The following HS6ST3 variants were observed in gnomAD, a reference collection of about 807,000 sequenced individuals.
HS6ST3 encodes the protein heparan sulfate 6-O-sulfotransferase 3.
A neutral mutation model predicts 36.7 loss-of-function variants in HS6ST3; 12 were observed. The observed-to-expected ratio is 0.33, with a 90% CI of 0.21 to 0.53. The LOEUF (loss-of-function observed/expected upper bound fraction) is 0.53. Ranked by LOEUF, HS6ST3 falls within the 20% of genes least tolerant of loss-of-function variation. The pLI, the probability that HS6ST3 is intolerant of heterozygous loss-of-function variation, is 0.95. For missense variants in HS6ST3, 584 were observed against 640.9 expected (o/e 0.91, Z 0.96); for synonymous variants, 240 against 257.5 (o/e 0.93, Z 0.65).
At chr13:96,545,052 A>G (rs1302243452) in intron 1 of HS6ST3, among the ~76,000 whole-genome samples, 3 of 152,190 alleles carry the variant, frequency 2.0e-5, no homozygotes, top group African/African-American at 7.2e-5. Flanking sequence ...TGCCTGGTGA[A>G]TATATAATAG....
At chr13:96,560,563 T>C (rs1044929172) in intron 1 of HS6ST3, among the ~76,000 whole-genome samples, 1 of 152,114 alleles carries the variant, frequency 6.6e-6, no homozygotes, top group African/African-American at 2.4e-5. Flanking sequence ...TTCATCCAAA[T>C]AGGAAAAGAA....
In HS6ST3 at chr13:96,838,210, A is replaced by G. The variant is rs1207127912; in HGVS notation, c.*5012A>G. On this transcript the variant is annotated 3_prime_UTR_variant, in exon 2 of 2. Coordinates refer to ENST00000376705, the MANE Select transcript of HS6ST3 (RefSeq NM_153456.4). ...AATATATGACATGTAATACTGAAAA[A>G]ATAGAAAAATGACTAAGATACAGTC... 1 of 152,102 alleles carries G rather than the reference A, an allele frequency of 6.6e-6. No individual in the cohort carries two copies. Among genetic ancestry groups the G allele is most frequent in the East Asian group, 1.9e-4 (1 of 5,198 alleles). 9.4% of individuals were successfully genotyped at this position (152,102 alleles called of 1,614,324 possible). A position where few individuals can be genotyped will look rare whatever the true frequency, so the allele number is the denominator to read the frequency against.
At chr13:96,777,720 A>G (rs1877423201) in intron 1 of HS6ST3, among the ~76,000 whole-genome samples, 1 of 152,228 alleles carries the variant, frequency 6.6e-6, no homozygotes, top group African/African-American at 2.4e-5. Context: ...GATAGGAAGA[A>G]TCAATATCAT....
At chr13:96,821,807 A>C (rs1272470862) in intron 1 of HS6ST3, among the ~76,000 whole-genome samples, 3 of 152,200 alleles carry the variant, frequency 2.0e-5, no homozygotes, top group Admixed American at 6.5e-5. Flanking sequence ...AAAATCCTAA[A>C]ACAGAAGTAT....
chr13:96,321,978 A>C (rs1208705798), intron 1 of HS6ST3, among the ~76,000 whole-genome samples: 1 of 151,178 alleles, frequency 6.6e-6, no homozygotes, highest in Non-Finnish European at 1.5e-5. Context: ...TCAGCTGGTG[A>C]CTTTATTCTG....
Position 96,090,994 on chromosome 13 carries a change from G to A in HS6ST3, c.132G>A (p.Gly44=). The change falls in exon 1 of 2, where the codon GGG becomes GGA. Residue 44 remains glycine, a synonymous_variant. Coordinates refer to ENST00000376705, the MANE Select transcript of HS6ST3 (RefSeq NM_153456.4). ...ACTTCGGGGAGCAGCCCCGCGCGGG[G>A]GAGGCCGGCCCGCCCGCCGTCCCGG... is the stretch of plus-strand genomic sequence containing the variant. The part of the protein sequence containing the change: ...CTNFGEQPRA[G]EAGPPAVPGP... 3.0e-6 allele frequency: 4 copies of A among 1,327,266 alleles called. No homozygotes were observed. Among genetic ancestry groups the A allele is most frequent in the Non-Finnish European group, 3.9e-6 (4 of 1,031,518 alleles). 82.2% of individuals were successfully genotyped at this position (1,327,266 alleles called of 1,614,324 possible).
rs543990909 is a variant in HS6ST3, at chr13:96,630,339, G to T, written c.708-202151G>T. On this transcript the variant is annotated intron_variant, in intron 1 of 1. Transcript: ENST00000376705. The stretch of plus-strand genomic sequence containing the variant: ...GCTTGATGTTGAGTTCCTCCAGAGA[G>T]GATTTCCCACGACCACTGGAGACAC... Among the ~76,000 whole-genome samples, 24 of 152,166 alleles carry T rather than the reference G, an allele frequency of 1.6e-4. No individual in the cohort carries two copies. The South Asian group carries it at 3.7e-3, about 24-fold the overall frequency.
At chr13:96,260,335 G>A (rs1182728465) in intron 1 of HS6ST3, among the ~76,000 whole-genome samples, 21 of 134,716 alleles carry the variant, frequency 1.6e-4, no homozygotes, top group African/African-American at 5.2e-4. Flanking sequence ...TTTTTGAGAC[G>A]GAGTCTCGCT....
chr13:96,519,209 C>T (rs2056083990), intron 1 of HS6ST3, among the ~76,000 whole-genome samples: 1 of 152,172 alleles, frequency 6.6e-6, no homozygotes, highest in South Asian at 2.1e-4. Flanking sequence ...TTAATGCTGC[C>T]TTTGAGTCAC....
chr13:96,320,038 T>C (rs2054995725), intron 1 of HS6ST3, among the ~76,000 whole-genome samples: 3 of 152,102 alleles, frequency 2.0e-5, no homozygotes, highest in Admixed American at 6.5e-5. Flanking sequence ...TCAAATGACT[T>C]TTTTTTCTTT....
At chr13:96,697,877 C>T (rs1386086194) in intron 1 of HS6ST3, among the ~76,000 whole-genome samples, 1 of 152,008 alleles carries the variant, frequency 6.6e-6, no homozygotes, top group East Asian at 1.9e-4. Context: ...GGTACAATGC[C>T]TTTAAACTAA....
At chr13:96,519,795 T>G (rs912843571) in intron 1 of HS6ST3, among the ~76,000 whole-genome samples, 2 of 152,168 alleles carry the variant, frequency 1.3e-5, no homozygotes, top group Non-Finnish European at 2.9e-5. Context: ...TCCCATAAAG[T>G]TGTTCTGTAA....
At chr13:96,734,294 C>G (rs1876229403) in intron 1 of HS6ST3, among the ~76,000 whole-genome samples, 1 of 152,154 alleles carries the variant, frequency 6.6e-6, no homozygotes, top group African/African-American at 2.4e-5. Flanking sequence ...ATCATTTGCT[C>G]CTAGCTTGGT....
intron 1 of HS6ST3, among the ~76,000 whole-genome samples, chr13:96,780,962 A>G (rs747112924): frequency 5.3e-5 from 8 of 151,698 alleles, no homozygotes; most frequent in Non-Finnish European, 8.8e-5. Flanking sequence ...AGAGCCAGCA[A>G]CTAGATTATA....
At chr13:96,529,732 A>AT (rs2056128176) in intron 1 of HS6ST3, among the ~76,000 whole-genome samples, 1 of 152,164 alleles carries the variant, frequency 6.6e-6, no homozygotes, top group African/African-American at 2.4e-5. Flanking sequence ...TTTTTTAAAT[A>AT]TTAGGGCTAA....
At chr13:96,169,917 C>T (rs1477960893) in intron 1 of HS6ST3, 1 of 152,142 alleles carries the variant, frequency 6.6e-6, no homozygotes, top group Non-Finnish European at 1.5e-5. Flanking sequence ...GAGAACATGG[C>T]TCAGAAGAAA....
chr13:96,156,471 A>G (rs2054111034), intron 1 of HS6ST3, among the ~76,000 whole-genome samples: 1 of 152,230 alleles, frequency 6.6e-6, no homozygotes. Flanking sequence ...AAGAAGACCT[A>G]GAAGGCTAAC....
intron 1 of HS6ST3, among the ~76,000 whole-genome samples, chr13:96,348,670 A>G (rs1208736555): frequency 6.6e-6 from 1 of 152,228 alleles, no homozygotes; most frequent in Non-Finnish European, 1.5e-5. Flanking sequence ...TTTGCCACTC[A>G]GAGAGCTAGC....
At chr13:96,773,681 G>A (rs1406510937) in intron 1 of HS6ST3, among the ~76,000 whole-genome samples, 1 of 152,172 alleles carries the variant, frequency 6.6e-6, no homozygotes, top group Non-Finnish European at 1.5e-5. Flanking sequence ...CCCCAGTCAG[G>A]GGCTTATAGA....
Sources: gnomAD v4.1 joint callset for allele counts (sites outside exome capture counted in the v4.1 genomes callset) on GRCh38, gnomAD v4.1.1 for gene constraint, MANE v1.5 for transcripts, NCBI Gene and HGNC (gene_info 2026-07-23, HGNC 2026-07-21) for gene names.